The following GLIS3 variants were observed in gnomAD, a reference collection of about 807,000 sequenced individuals.
The protein encoded by GLIS3 is zinc finger protein GLIS3.
A neutral mutation model predicts 78.6 loss-of-function variants in GLIS3; 53 were observed. The ratio of observed to expected loss-of-function variants is 0.67; its 90% CI spans 0.54 to 0.85. The LOEUF is 0.85. Among genes scored for constraint, GLIS3 ranks in the 40% least tolerant of loss-of-function variants. GLIS3 has a pLI of 0.00. For synonymous variants in GLIS3, 684 were observed against 509.9 expected (o/e 1.34, Z -4.60); for missense variants, 1,703 against 1,231.1 (o/e 1.38, Z -5.74).
chr9:4,379,016 AT>A, the GLIS3 span, among the ~76,000 whole-genome samples: 1 of 152,138 alleles, frequency 6.6e-6, no homozygotes, highest in Admixed American at 6.5e-5. Context: ...TTAAGTGAAA[AT>A]GCTATATAAG....
At chr9:3,950,616 G>T (rs758736870) in intron 4 of GLIS3, among the ~76,000 whole-genome samples, 1 of 152,178 alleles carries the variant, frequency 6.6e-6, no homozygotes, top group Non-Finnish European at 1.5e-5. Context: ...CAGCTTAGTT[G>T]AAATATTTCT....
chr9:4,135,625 T>C (rs1346670359), intron 2 of GLIS3, among the ~76,000 whole-genome samples: 2 of 152,198 alleles, frequency 1.3e-5, no homozygotes, highest in Non-Finnish European at 2.9e-5. Flanking sequence ...TAATGAAATA[T>C]AGGTACCCAC....
At chr9:3,962,816 C>T (rs1817657048) in intron 4 of GLIS3, among the ~76,000 whole-genome samples, 1 of 152,080 alleles carries the variant, frequency 6.6e-6, no homozygotes, top group Non-Finnish European at 1.5e-5. Context: ...AAACCCTGCA[C>T]TTTCAGGAGG....
chr9:4,143,964 G>A (rs1025432440), intron 2 of GLIS3, among the ~76,000 whole-genome samples: 1 of 152,230 alleles, frequency 6.6e-6, no homozygotes, highest in African/African-American at 2.4e-5. Flanking sequence ...AAAGAGAATA[G>A]ACGACGTCTC....
chr9:4,319,076 G>C (rs1186937388), intron 2 of GLIS3, among the ~76,000 whole-genome samples: 2 of 152,192 alleles, frequency 1.3e-5, no homozygotes, highest in Admixed American at 6.5e-5. Flanking sequence ...TGTCATGAAA[G>C]ACATGAGGAA....
intron 4 of GLIS3, among the ~76,000 whole-genome samples, chr9:4,044,489 G>A (rs950865385): frequency 6.6e-6 from 1 of 152,120 alleles, no homozygotes; most frequent in Non-Finnish European, 1.5e-5. Context: ...CTCCACGCCT[G>A]GTCCTATTCC....
rs1330490262 is a variant in GLIS3 at position 4,333,284 on chromosome 9, AG to A, written n.264+13796del. On this transcript the variant is annotated intron_variant and non_coding_transcript_variant, in intron 2 of 4. Coordinates refer to the GLIS3 transcript ENST00000471664. ...AAATGGGAAGGGGAAGGGGAATGGTAGGGGCAGGGGAAGGGAAAAAGGAAGA... is the reference window on the plus strand; with the variant it reads ...AAATGGGAAGGGGAAGGGGAATGGTAGGGCAGGGGAAGGGAAAAAGGAAGA... 2.1e-5 allele frequency among the ~76,000 whole-genome samples: 3 copies of A among 145,942 alleles called. No individual in the cohort carries two copies. In the Admixed American group the frequency reaches 2.1e-4, roughly 10 times the overall value.
At chr9:3,976,271 C>T (rs760266218) in intron 4 of GLIS3, among the ~76,000 whole-genome samples, 1 of 151,988 alleles carries the variant, frequency 6.6e-6, no homozygotes, top group African/African-American at 2.4e-5. Context: ...GGCAGGTTAC[C>T]TTCCATACAT....
intron 2 of GLIS3, among the ~76,000 whole-genome samples, chr9:4,137,876 A>C (rs1174245208): frequency 6.6e-6 from 1 of 152,226 alleles, no homozygotes; most frequent in Non-Finnish European, 1.5e-5. Flanking sequence ...ATGTAAGCAC[A>C]TTTTACTGCT....
At chr9:4,280,202 TAGAG>T (rs985278827) in intron 2 of GLIS3, among the ~76,000 whole-genome samples, 24 of 152,134 alleles carry the variant, frequency 1.6e-4, no homozygotes, top group African/African-American at 5.8e-4. Flanking sequence ...TTATTTTTTG[TAGAG>T]AGAGAGGGGT....
At chr9:4,170,751 C>G (rs1816307077) in intron 2 of GLIS3, among the ~76,000 whole-genome samples, 1 of 152,040 alleles carries the variant, frequency 6.6e-6, no homozygotes, top group South Asian at 2.1e-4. Flanking sequence ...CCTGTATGTT[C>G]AGGGTGTGTG....
At chr9:3,850,288 G>C (rs1819348309) in intron 9 of GLIS3, among the ~76,000 whole-genome samples, 1 of 152,314 alleles carries the variant, frequency 6.6e-6, no homozygotes, top group Non-Finnish European at 1.5e-5. Context: ...GGCCACGCAA[G>C]GCTGGATGTG....
At chr9:4,254,627 G>C (rs772767994) in intron 2 of GLIS3, among the ~76,000 whole-genome samples, 2 of 152,012 alleles carry the variant, frequency 1.3e-5, no homozygotes, top group Non-Finnish European at 2.9e-5. Context: ...ATTACCTGAG[G>C]TCAGGAGTTC....
chr9:3,872,627 T>C (rs937739675), intron 8 of GLIS3, among the ~76,000 whole-genome samples: 2 of 152,152 alleles, frequency 1.3e-5, no homozygotes, highest in Admixed American at 6.6e-5. Context: ...GACAACAGTA[T>C]GGGGGAAACC....
intron 8 of GLIS3, among the ~76,000 whole-genome samples, chr9:3,877,516 A>C (rs1457115509): frequency 2.6e-5 from 4 of 152,140 alleles, no homozygotes; most frequent in African/African-American, 9.7e-5. Context: ...CAAACTCCTA[A>C]AGTCAGTTTA....
the GLIS3 span, among the ~76,000 whole-genome samples, chr9:4,358,048 C>A: frequency 1.3e-5 from 2 of 151,928 alleles, no homozygotes; most frequent in African/African-American, 4.8e-5. Flanking sequence ...AACAGATGCC[C>A]AAGATGAGAA....
intron 6 of GLIS3, among the ~76,000 whole-genome samples, chr9:3,904,974 CTCT>C (rs778621393): frequency 1.4e-5 from 2 of 147,326 alleles, no homozygotes; most frequent in Non-Finnish European, 3.0e-5. Flanking sequence ...CCTCTTATGA[CTCT>C]TTTTTTTTTT....
chr9:4,452,248 T>C, the GLIS3 span, among the ~76,000 whole-genome samples: 4 of 152,148 alleles, frequency 2.6e-5, no homozygotes, highest in Non-Finnish European at 4.4e-5. Flanking sequence ...AAGCATTCCT[T>C]TTGAAAACTG....
At chr9:3,905,130 G>T (rs530135551) in intron 6 of GLIS3, among the ~76,000 whole-genome samples, 2 of 140,504 alleles carry the variant, frequency 1.4e-5, no homozygotes, top group Non-Finnish European at 3.0e-5. Flanking sequence ...CTGCCGCCAC[G>T]CCCGGTTAAA....
Sources: gnomAD v4.1 joint callset for allele counts (sites outside exome capture counted in the v4.1 genomes callset) on GRCh38, gnomAD v4.1.1 for gene constraint, MANE v1.5 for transcripts, NCBI Gene and HGNC (gene_info 2026-07-23, HGNC 2026-07-21) for gene names.